TMEM117: variants seen among roughly 807,000 people sequenced by gnomAD.
TMEM117 encodes transmembrane protein 117.
TMEM117 carries 27 observed loss-of-function variants against 52.4 expected under a neutral mutation model. The observed-to-expected ratio is 0.51, with a 90% confidence interval of 0.38 to 0.71. TMEM117 has a LOEUF of 0.71. Ranked by LOEUF, TMEM117 falls within the 30% of genes least tolerant of loss-of-function variation. The pLI, the probability that TMEM117 is intolerant of heterozygous loss-of-function variation, is 0.00. For missense variants in TMEM117, 556 were observed against 630.5 expected (o/e 0.88, Z 1.26); for synonymous variants, 215 against 206.3 (o/e 1.04, Z -0.36).
At chr12:44,027,541 C>T (rs955322421) in intron 3 of TMEM117, among the ~76,000 whole-genome samples, 3 of 152,156 alleles carry the variant, frequency 2.0e-5, no homozygotes, top group Admixed American at 6.6e-5. Flanking sequence ...GTAGAATGTT[C>T]CTCCATTTGC....
chr12:43,831,732 T>C (rs1281723063), upstream of TMEM117, among the ~76,000 whole-genome samples: 1 of 152,000 alleles, frequency 6.6e-6, no homozygotes, highest in Non-Finnish European at 1.5e-5. Flanking sequence ...TTGGTAGAGA[T>C]GGGGTTTCAC....
chr12:44,175,578 A>G (rs1949106427), intron 4 of TMEM117, among the ~76,000 whole-genome samples: 1 of 152,194 alleles, frequency 6.6e-6, no homozygotes, highest in African/African-American at 2.4e-5. Context: ...TTGCCCACAG[A>G]TGATTATAGA....
At chr12:43,805,884 C>G in the TMEM117 span, 2 of 1,453,884 alleles carry the variant, frequency 1.4e-6, no homozygotes, top group Non-Finnish European at 1.8e-6. Flanking sequence ...CCCAGCTCTT[C>G]CCTACGTGAC....
At chr12:43,955,133 C>G (rs1945286460) in intron 3 of TMEM117, among the ~76,000 whole-genome samples, 1 of 152,092 alleles carries the variant, frequency 6.6e-6, no homozygotes, top group Non-Finnish European at 1.5e-5. Context: ...GAACATGCCT[C>G]AAAATAATAG....
At chr12:43,820,015 GAGAAA>G in the TMEM117 span, among the ~76,000 whole-genome samples, 2 of 152,122 alleles carry the variant, frequency 1.3e-5, no homozygotes, top group South Asian at 2.1e-4. Context: ...GTAAAAAAAA[GAGAAA>G]AGAAAACATT....
intron 3 of TMEM117, among the ~76,000 whole-genome samples, chr12:43,972,328 C>T (rs928599818): frequency 6.6e-6 from 1 of 152,142 alleles, no homozygotes; most frequent in African/African-American, 2.4e-5. Context: ...TGGTTCCTTC[C>T]GGTGGGTTCT....
At chr12:44,103,913 C>G (rs904906663) in intron 3 of TMEM117, among the ~76,000 whole-genome samples, 4 of 151,968 alleles carry the variant, frequency 2.6e-5, no homozygotes, top group South Asian at 2.1e-4. Context: ...TTTTTTCTCA[C>G]TAACTTTCAT....
intron 3 of TMEM117, among the ~76,000 whole-genome samples, chr12:44,085,008 C>A (rs1204590374): frequency 6.6e-6 from 1 of 152,170 alleles, no homozygotes; most frequent in Non-Finnish European, 1.5e-5. Flanking sequence ...GATTCAATAA[C>A]AGCACCTGAT....
At chr12:43,920,671 C>T (rs1944679220) in intron 2 of TMEM117, among the ~76,000 whole-genome samples, 1 of 150,954 alleles carries the variant, frequency 6.6e-6, no homozygotes, top group African/African-American at 2.4e-5. Context: ...CCCTCTGCCT[C>T]AGCCTCCTGA....
intron 5 of TMEM117, among the ~76,000 whole-genome samples, chr12:44,258,709 G>T (rs2138533479): frequency 6.6e-6 from 1 of 152,246 alleles, no homozygotes; most frequent in East Asian, 1.9e-4. Context: ...TCATCTCAGT[G>T]GAGAATACAG....
At chr12:43,898,046 A>G (rs754541231) in intron 2 of TMEM117, among the ~76,000 whole-genome samples, 147 of 136,036 alleles carry the variant, frequency 1.1e-3, no homozygotes, top group Non-Finnish European at 1.7e-3. Context: ...ACACACACGC[A>G]CGCACACACA....
chr12:43,835,464 G>A (rs1243427811), upstream of TMEM117, among the ~76,000 whole-genome samples: 2 of 151,668 alleles, frequency 1.3e-5, no homozygotes, highest in East Asian at 3.9e-4. Context: ...GTGTATGAAT[G>A]TGTGTATGTG....
At position 44,298,387 on chromosome 12, in the gene TMEM117, T is replaced by G. The variant is rs535227306; in HGVS notation, c.609-1193T>G. On this transcript the variant is annotated intron_variant, in intron 5 of 7. Transcript: ENST00000266534. The stretch of plus-strand genomic sequence containing the variant: ...TATTTCCCTTTTCTTTCTTGCATTT[T>G]TATCTGATTAAATTTATTTCAAGTA... Among the ~76,000 whole-genome samples the G allele has an allele frequency of 4.0e-5, 6 of 150,290 alleles. 1 individual carries two copies. The South Asian group carries it at 1.2e-3, about 31-fold the overall frequency.
intron 2 of TMEM117, among the ~76,000 whole-genome samples, chr12:43,900,856 A>C (rs568600479): frequency 1.3e-5 from 2 of 152,224 alleles, no homozygotes; most frequent in East Asian, 3.9e-4. Context: ...AGAAAAGAAA[A>C]GAAGAGGAAG....
intron 2 of TMEM117, among the ~76,000 whole-genome samples, chr12:43,869,010 G>A (rs1565727370): frequency 1.3e-5 from 2 of 151,950 alleles, no homozygotes; most frequent in Admixed American, 6.6e-5. Context: ...AATTAAAGAT[G>A]GAATTTCATT....
At chr12:44,103,885 T>C (rs538586157) in intron 3 of TMEM117, among the ~76,000 whole-genome samples, 2 of 152,188 alleles carry the variant, frequency 1.3e-5, no homozygotes, top group South Asian at 4.1e-4. Context: ...ATATAGATAA[T>C]TGAATTTTGT....
At chr12:44,183,277 A>G (rs1483198357) in intron 4 of TMEM117, among the ~76,000 whole-genome samples, 2 of 152,218 alleles carry the variant, frequency 1.3e-5, no homozygotes, top group African/African-American at 2.4e-5. Flanking sequence ...GTATGTCAAT[A>G]TAGTTGTTGC....
chr12:43,882,460 C>CA (rs57833998), intron 2 of TMEM117, among the ~76,000 whole-genome samples: 11,029 of 117,172 alleles, frequency 0.094, 773 homozygotes, highest in African/African-American at 0.19. Flanking sequence ...AACTTCATCT[C>CA]AAAAAAAAAA....
the TMEM117 span, among the ~76,000 whole-genome samples, chr12:43,804,937 C>T: frequency 6.6e-6 from 1 of 152,192 alleles, no homozygotes; most frequent in African/African-American, 2.4e-5. Context: ...TTCTCTAATT[C>T]AGTTTCAAGC....
Sources: allele counts gnomAD v4.1 joint callset (sites outside exome capture counted in the v4.1 genomes callset), GRCh38; gene constraint gnomAD v4.1.1; transcripts MANE v1.5; gene names NCBI Gene and HGNC (gene_info 2026-07-23, HGNC 2026-07-21).